The following GSAP variants were observed in gnomAD, a reference collection of about 807,000 sequenced individuals.
GSAP encodes gamma-secretase activating protein.
In GSAP, 118 loss-of-function variants were observed where a neutral mutation model predicts 131.7. That is an observed-to-expected ratio of 0.90 (90% CI 0.77 to 1.04). The LOEUF (loss-of-function observed/expected upper bound fraction) is 1.04, where lower values mean the gene tolerates loss of function less well. Ranked by LOEUF, GSAP falls within the 50% of genes least tolerant of loss-of-function variation. The probability of loss-of-function intolerance (pLI) is 0.00; values close to 1 mark genes in which losing one functional copy is unlikely to be tolerated. For synonymous variants in GSAP, 381 were observed against 363.4 expected (o/e 1.05, Z -0.55); for missense variants, 1,019 against 1,013.2 (o/e 1.01, Z -0.08).
At chr7:77,364,243 ATT>A (rs1246292930) in intron 12 of GSAP, among the ~76,000 whole-genome samples, 2 of 152,118 alleles carry the variant, frequency 1.3e-5, no homozygotes, top group Non-Finnish European at 2.9e-5. Flanking sequence ...GGTTAAATAT[ATT>A]CATACCTGTT....
chr7:77,407,388 T>C (rs1707039026), intron 1 of GSAP, among the ~76,000 whole-genome samples: 1 of 152,202 alleles, frequency 6.6e-6, no homozygotes, highest in Admixed American at 6.5e-5. Flanking sequence ...TGAGATTTTT[T>C]CCTCCAATCT....
chr7:77,313,602 T>C (rs2150580371), intron 27 of GSAP, 53 bp from the exon 28 acceptor site: 1 of 850,814 alleles, frequency 1.2e-6, no homozygotes, highest in Non-Finnish European at 2.0e-6. Context: ...TTTGATACTT[T>C]AGCAAGTTAA....
At chr7:77,394,790 T>A (rs576922914) in intron 5 of GSAP, among the ~76,000 whole-genome samples, 3 of 152,208 alleles carry the variant, frequency 2.0e-5, no homozygotes, top group Non-Finnish European at 4.4e-5. Flanking sequence ...CTGGGCATCA[T>A]GCCCAACCAT....
chr7:77,330,167 AT>A, intron 20 of GSAP, 71 bp downstream of exon 20: 1 of 1,504,824 alleles, frequency 6.6e-7, no homozygotes, highest in African/African-American at 1.4e-5. Context: ...CAGCCTTATG[AT>A]TTAAAGGCAT....
chr7:77,363,683 T>C lies in GSAP; in HGVS notation c.872-1023A>G, dbSNP rs185408735. 2.0e-5 allele frequency among the ~76,000 whole-genome samples: 3 copies of C among 152,350 alleles called. No individual in the cohort carries two copies. The East Asian group carries it at 5.8e-4, about 29-fold the overall frequency. On this transcript the variant is annotated intron_variant, in intron 12 of 30. Transcript: ENST00000257626. ...ATAATATTTATCAATTATGACTTTT[T>C]AATGACATTTAACACTGCAAAGTAT...
intron 19 of GSAP, among the ~76,000 whole-genome samples, chr7:77,339,671 A>G (rs1790593786): frequency 6.7e-6 from 1 of 148,806 alleles, no homozygotes; most frequent in Non-Finnish European, 1.5e-5. Context: ...GGAATGTAAA[A>G]GGAGGACAGA....
At position 77,362,640 on chromosome 7, in the gene GSAP, T is replaced by TAGAA; in HGVS notation, c.891_892insTTCT (p.Ser298PhefsTer2). 6.4e-7 allele frequency: 1 copy of TAGAA among 1,574,682 alleles called. No homozygotes were observed. Among genetic ancestry groups the TAGAA allele is most frequent in the Non-Finnish European group, 8.7e-7 (1 of 1,144,726 alleles). ...TGTCCCCAAGAGGCACACTTCGGGCTGTAACATACACACAAACTTCCTAGA... is the reference window on the plus strand; with the variant it reads ...TGTCCCCAAGAGGCACACTTCGGGCTAGAAGTAACATACACACAAACTTCCTAGA... On this transcript the variant is annotated frameshift_variant, in exon 13 of 31. Transcript: ENST00000257626. LOFTEE classifies it high-confidence loss of function.
intron 2 of GSAP, among the ~76,000 whole-genome samples, chr7:77,404,964 T>A (rs1367183135): frequency 6.6e-6 from 1 of 152,198 alleles, no homozygotes; most frequent in African/African-American, 2.4e-5. Flanking sequence ...AAGTAAAACA[T>A]TGTGAATCAC....
intron 16 of GSAP, among the ~76,000 whole-genome samples, chr7:77,354,927 G>T (rs1563010069): frequency 6.6e-6 from 1 of 152,120 alleles, no homozygotes. Flanking sequence ...AGATATTTAA[G>T]AAACGCATTA....
intron 3 of GSAP, among the ~76,000 whole-genome samples, chr7:77,404,161 A>C (rs1048251133): frequency 6.6e-6 from 1 of 152,254 alleles, no homozygotes; most frequent in African/African-American, 2.4e-5. Context: ...TGTGCAAGCC[A>C]GCTGCCAAAA....
chr7:77,354,647 T>C (rs1793381990), intron 16 of GSAP, among the ~76,000 whole-genome samples: 1 of 151,526 alleles, frequency 6.6e-6, no homozygotes, highest in South Asian at 2.1e-4. Flanking sequence ...TACATTGTTA[T>C]GTTTCAGGTT....
chr7:77,311,561 A>C, intron 30 of GSAP, 112 bp from the exon 31 acceptor site: 1 of 624,590 alleles, frequency 1.6e-6, no homozygotes, highest in Non-Finnish European at 2.8e-6. Context: ...TAGTAAAATG[A>C]ATTTTTTAAG....
chr7:77,346,928 C>T (rs1791981034), intron 19 of GSAP, among the ~76,000 whole-genome samples: 1 of 149,344 alleles, frequency 6.7e-6, no homozygotes, highest in Non-Finnish European at 1.5e-5. Flanking sequence ...CCCTCCACCA[C>T]TCCCCACCAC....
At chr7:77,407,060 A>T (rs958281698) in intron 1 of GSAP, among the ~76,000 whole-genome samples, 27 of 152,158 alleles carry the variant, frequency 1.8e-4, no homozygotes, top group African/African-American at 6.5e-4. Flanking sequence ...CATTTCAGGG[A>T]CTACAGGGCA....
chr7:77,318,068 A>C (rs1328662751), intron 26 of GSAP, among the ~76,000 whole-genome samples: 1 of 152,214 alleles, frequency 6.6e-6, no homozygotes, highest in Non-Finnish European at 1.5e-5. Context: ...GCCCATAAAT[A>C]GCCCATGTTT....
chr7:77,360,657 G>A (rs1032676441), intron 14 of GSAP, among the ~76,000 whole-genome samples, 167 bp downstream of exon 14: 1 of 152,212 alleles, frequency 6.6e-6, no homozygotes, highest in Admixed American at 6.5e-5. Context: ...AGGCAAGGGT[G>A]TGTTCCAGAG....
At chr7:77,352,853 G>C (rs912157755) in intron 18 of GSAP, 91 bp downstream of exon 18, 1 of 700,614 alleles carries the variant, frequency 1.4e-6, no homozygotes, top group Admixed American at 2.4e-5. Flanking sequence ...GTGAAATCAC[G>C]ACCTTGATGG....
chr7:77,353,747 T>C (rs1220568594), intron 16 of GSAP, 106 bp from the exon 17 acceptor site: 3 of 667,938 alleles, frequency 4.5e-6, no homozygotes, highest in Non-Finnish European at 7.8e-6. Context: ...ATACCTATTT[T>C]AGAATTGCCT....
rs1793514555 is a variant in GSAP at position 77,355,401 on chromosome 7, G to A, written c.1150C>T (p.His384Tyr). ...GNNEMIDMLP[H>Y]CPLQSLSGSL... ...CCTGACAATGACTGTAAAGGGCAAT[G>A]AGGTAGCATATCAATCATTTCATTA... The change falls in exon 16 of 31, where the codon CAT becomes TAT. Residue 384 changes from histidine to tyrosine, a missense_variant. His to Tyr is a moderately conservative substitution (Grantham distance 83). Coordinates refer to ENST00000257626, the MANE Select transcript of GSAP (RefSeq NM_017439.4). 1.3e-6 allele frequency: 2 copies of A among 1,599,932 alleles called. No homozygotes were observed. The highest frequency in any genetic ancestry group is 1.4e-5 in the African/African-American group (1 of 73,772).
Sources: allele counts gnomAD v4.1 joint callset (sites outside exome capture counted in the v4.1 genomes callset), GRCh38; gene constraint gnomAD v4.1.1; transcripts MANE v1.5; gene names NCBI Gene and HGNC (gene_info 2026-07-23, HGNC 2026-07-21).